WDPCP: variants seen among roughly 807,000 people sequenced by gnomAD.
The protein encoded by WDPCP is WD repeat-containing and planar cell polarity effector protein fritz homolog.
WDPCP carries 71 observed loss-of-function variants against 93.1 expected under a neutral mutation model. That is an observed-to-expected ratio of 0.76 (90% confidence interval 0.63 to 0.93). WDPCP has a LOEUF of 0.93. Among genes scored for constraint, WDPCP ranks in the 40% least tolerant of loss-of-function variants. WDPCP has a pLI of 0.00. For missense variants in WDPCP, 844 were observed against 887.4 expected, an observed-to-expected ratio of 0.95 and a Z score of 0.62; for synonymous variants, 315 against 315.0, an observed-to-expected ratio of 1.00 and a Z score of 0.00.
At chr2:63,472,429 TCTC>T (rs1339696852) in intron 6 of WDPCP, among the ~76,000 whole-genome samples, 2 of 151,996 alleles carry the variant, frequency 1.3e-5, no homozygotes, top group Non-Finnish European at 2.9e-5. Flanking sequence ...ATTTTTTTTA[TCTC>T]CTATCACCTT....
intron 12 of WDPCP, among the ~76,000 whole-genome samples, chr2:63,357,528 T>C (rs1558512804): frequency 6.6e-6 from 1 of 151,868 alleles, no homozygotes; most frequent in Non-Finnish European, 1.5e-5. Flanking sequence ...GTATCACTGA[T>C]TAGAGAAATG....
intron 13 of WDPCP, among the ~76,000 whole-genome samples, chr2:63,294,512 A>G (rs1312152931): frequency 7.7e-5 from 10 of 129,624 alleles, no homozygotes; most frequent in African/African-American, 3.7e-4. Context: ...TGTTTCGAAA[A>G]AAAAAAAAAA....
chr2:63,762,009 T>G (rs1365353188), intron 2 of WDPCP, among the ~76,000 whole-genome samples: 1 of 151,980 alleles, frequency 6.6e-6, no homozygotes, highest in Non-Finnish European at 1.5e-5. Context: ...AATAGAGATA[T>G]TAGTAAAAGT....
intron 17 of WDPCP, among the ~76,000 whole-genome samples, chr2:63,148,758 A>G (rs78597779): frequency 0.012 from 1,891 of 152,294 alleles, 12 homozygotes; most frequent in Non-Finnish European, 0.02. Context: ...TAGGTGTAAG[A>G]CAGGGAATTT....
chr2:63,504,168 T>G (rs1178802421), intron 1 of WDPCP, among the ~76,000 whole-genome samples: 2 of 151,966 alleles, frequency 1.3e-5, no homozygotes, highest in East Asian at 3.8e-4. Context: ...CCTGAAAACC[T>G]TTTTTCTATG....
At position 63,192,775 on chromosome 2, in the gene WDPCP, C is replaced by T. The variant is rs1340957703; in HGVS notation, c.1916-17943G>A. Reference sequence around the variant, plus strand: ...GCACTGTTTCTCTGGTGATCTTATACATTATTTTTTAAACCTATCTATTCT... The same window carrying T: ...GCACTGTTTCTCTGGTGATCTTATATATTATTTTTTAAACCTATCTATTCT... On this transcript the variant is annotated intron_variant, in intron 14 of 17. Coordinates refer to ENST00000272321, the MANE Select transcript of WDPCP (RefSeq NM_015910.7). Among the ~76,000 whole-genome samples, 3 of 152,200 alleles carry T rather than the reference C, an allele frequency of 2.0e-5. No individual in the cohort carries two copies. In the East Asian group the frequency reaches 5.8e-4, roughly 29 times the overall value.
At chr2:63,629,994 A>C (rs1452135203) in intron 3 of WDPCP, among the ~76,000 whole-genome samples, 11 of 152,264 alleles carry the variant, frequency 7.2e-5, no homozygotes, top group Admixed American at 5.9e-4. Context: ...TTATGATTTA[A>C]ATCTGACAAG....
At chr2:63,447,213 T>C (rs753434724) in intron 6 of WDPCP, among the ~76,000 whole-genome samples, 29 of 152,010 alleles carry the variant, frequency 1.9e-4, no homozygotes, top group Non-Finnish European at 2.6e-4. Flanking sequence ...TATAAAGAAA[T>C]TGTAGAAACA....
chr2:63,532,224 A>G (rs980664410), intron 1 of WDPCP, among the ~76,000 whole-genome samples: 1 of 152,244 alleles, frequency 6.6e-6, no homozygotes, highest in African/African-American at 2.4e-5. Flanking sequence ...AAAAGACCAA[A>G]TCTACGTCTG....
At position 63,309,342 on chromosome 2, in the gene WDPCP, G is replaced by T. The variant is rs866928967; in HGVS notation, c.1812+3906C>A. On this transcript the variant is annotated intron_variant, in intron 13 of 17. Transcript: ENST00000272321. ...AATTAACATTTATGTACCTAATACCGTATCATCAAATATATGAAGCAAAAA... is the reference window on the plus strand; with the variant it reads ...AATTAACATTTATGTACCTAATACCTTATCATCAAATATATGAAGCAAAAA... 7.9e-5 allele frequency among the ~76,000 whole-genome samples: 12 copies of T among 152,160 alleles called. No homozygotes were observed. The East Asian group carries it at 1.2e-3, about 15-fold the overall frequency.
chr2:63,145,611 C>A (rs1671439764), intron 17 of WDPCP, among the ~76,000 whole-genome samples: 1 of 152,142 alleles, frequency 6.6e-6, no homozygotes, highest in Non-Finnish European at 1.5e-5. Flanking sequence ...ACCATGCCCC[C>A]CAACAACAGT....
chr2:63,521,077 G>A (rs192913427), intron 1 of WDPCP, among the ~76,000 whole-genome samples: 1,786 of 152,200 alleles, frequency 0.012, 20 homozygotes, highest in Middle Eastern at 0.02. Flanking sequence ...AATATGGAAA[G>A]GAAAGACTGT....
chr2:63,619,662 T>C (rs1250102794), intron 3 of WDPCP, among the ~76,000 whole-genome samples: 1 of 152,220 alleles, frequency 6.6e-6, no homozygotes, highest in Admixed American at 6.5e-5. Flanking sequence ...CAATAATTAT[T>C]ATCGATTTCA....
At chr2:63,652,950 G>C (rs1710124674) in intron 2 of WDPCP, among the ~76,000 whole-genome samples, 2 of 152,088 alleles carry the variant, frequency 1.3e-5, no homozygotes, top group South Asian at 4.1e-4. Flanking sequence ...TAGATAACGA[G>C]ACAAAAAAGA....
intron 10 of WDPCP, among the ~76,000 whole-genome samples, chr2:63,389,160 T>A (rs562795737): frequency 1.3e-5 from 2 of 152,196 alleles, no homozygotes; most frequent in South Asian, 2.1e-4. Flanking sequence ...AAAGGTTGGG[T>A]TACCCACAAA....
Position 63,751,778 on chromosome 2 carries a change from T to G in WDPCP, n.308+61844A>C, listed in dbSNP as rs114812497. 459 of 623,736 alleles carry G rather than the reference T, an allele frequency of 7.4e-4. 1 individual carries two copies. In the African/African-American group the frequency reaches 7.6e-3, roughly 10 times the overall value. 38.6% of individuals were successfully genotyped at this position (623,736 alleles called of 1,614,324 possible). On this transcript the variant is annotated intron_variant and non_coding_transcript_variant, in intron 2 of 4. Coordinates refer to the WDPCP transcript ENST00000467687. ...TTTGTGGTTTGGCAAAGTATTGGCC[T>G]CCAACACCACAGTGCTTCTGCTTCC... is the stretch of plus-strand genomic sequence containing the variant.
chr2:63,617,172 G>C (rs1264457072), intron 3 of WDPCP, among the ~76,000 whole-genome samples: 1 of 152,154 alleles, frequency 6.6e-6, no homozygotes, highest in Non-Finnish European at 1.5e-5. Flanking sequence ...AGCCATAAGA[G>C]ATAATTAACC....
chr2:63,292,148 AAAAG>A (rs1684492886), intron 13 of WDPCP, among the ~76,000 whole-genome samples: 1 of 151,432 alleles, frequency 6.6e-6, no homozygotes, highest in East Asian at 1.9e-4. Flanking sequence ...AAAAAAAAAA[AAAAG>A]AAAAAGAAAA....
intron 2 of WDPCP, among the ~76,000 whole-genome samples, chr2:63,761,540 A>C (rs1255924245): frequency 6.6e-6 from 1 of 152,088 alleles, no homozygotes; most frequent in Non-Finnish European, 1.5e-5. Context: ...GGCCATCTGC[A>C]GGCTAAGGAG....
Sources: allele counts gnomAD v4.1 joint callset (sites outside exome capture counted in the v4.1 genomes callset), GRCh38; gene constraint gnomAD v4.1.1; transcripts MANE v1.5; gene names NCBI Gene and HGNC (gene_info 2026-07-23, HGNC 2026-07-21).